Variants in AGBL4 observed in about 807,000 individuals in gnomAD.
AGBL4 encodes the protein cytosolic carboxypeptidase 6.
A neutral mutation model predicts 66.4 loss-of-function variants in AGBL4; 58 were observed. The ratio of observed to expected loss-of-function variants is 0.87; its 90% CI spans 0.71 to 1.09. The LOEUF is 1.09. Among genes scored for constraint, AGBL4 ranks in the 50% least tolerant of loss-of-function variants. AGBL4 has a pLI of 0.00. For synonymous variants in AGBL4, 234 were observed against 222.9 expected (o/e 1.05, Z -0.44); for missense variants, 579 against 631.0 (o/e 0.92, Z 0.88).
intron 7 of AGBL4, among the ~76,000 whole-genome samples, chr1:48,661,561 C>T (rs1475364461): frequency 6.6e-6 from 1 of 152,198 alleles, no homozygotes; most frequent in Admixed American, 6.5e-5. Flanking sequence ...TTATTGAAAA[C>T]CTACAGAACG....
At chr1:49,823,781 T>TGTGTGTGTGC (rs1309377273) in intron 2 of AGBL4, among the ~76,000 whole-genome samples, 2 of 148,250 alleles carry the variant, frequency 1.3e-5, no homozygotes, top group Non-Finnish European at 3.1e-5. Flanking sequence ...CTGCATAATG[T>TGTGTGTGTGC]GTGTGTGTGT....
At chr1:49,723,456 T>A (rs1648763116) in intron 2 of AGBL4, among the ~76,000 whole-genome samples, 1 of 152,132 alleles carries the variant, frequency 6.6e-6, no homozygotes, top group African/African-American at 2.4e-5. Context: ...CTCTACAATT[T>A]GACCTCTAGA....
At chr1:48,696,335 C>T (rs920625444) in intron 6 of AGBL4, among the ~76,000 whole-genome samples, 1 of 152,168 alleles carries the variant, frequency 6.6e-6, no homozygotes, top group Non-Finnish European at 1.5e-5. Flanking sequence ...GAAGGATCCA[C>T]ATCATCGAGC....
chr1:49,244,259 T>C (rs1651457318), intron 4 of AGBL4, among the ~76,000 whole-genome samples: 1 of 151,840 alleles, frequency 6.6e-6, no homozygotes, highest in African/African-American at 2.4e-5. Flanking sequence ...AGTGATGTCC[T>C]GTTACTTGCA....
intron 4 of AGBL4, among the ~76,000 whole-genome samples, chr1:49,179,905 T>C (rs541044745): frequency 6.6e-6 from 1 of 151,834 alleles, no homozygotes; most frequent in Non-Finnish European, 1.5e-5. Flanking sequence ...TTTTTTATTT[T>C]TTTTTTATTT....
intron 10 of AGBL4, among the ~76,000 whole-genome samples, chr1:48,589,642 T>C (rs1360553819): frequency 6.6e-6 from 1 of 152,180 alleles, no homozygotes; most frequent in East Asian, 1.9e-4. Context: ...GTGAGATTGG[T>C]AGTAACAGCA....
Position 48,608,658 on chromosome 1 carries a change from C to T in AGBL4, c.952-17673G>A, listed in dbSNP as rs186477. ...TAAGCAGTAAGTTAGAAACACATAA[C>T]AGAGTTAGAAACACATAACAGAGGC... On this transcript the variant is annotated intron_variant, in intron 9 of 13. Transcript: ENST00000371839. Among the ~76,000 whole-genome samples the T allele has an allele frequency of 9.1e-3, 1,383 of 152,142 alleles. 15 individuals carry two copies. The highest frequency in any genetic ancestry group is 0.031 in the African/African-American group (1,302 of 41,526).
chr1:49,948,492 TA>T (rs1180786122), intron 1 of AGBL4, among the ~76,000 whole-genome samples: 2 of 122,976 alleles, frequency 1.6e-5, no homozygotes, highest in South Asian at 2.4e-4. Context: ...TATAAATATA[TA>T]AAAATATATA....
intron 6 of AGBL4, among the ~76,000 whole-genome samples, chr1:48,840,292 G>T (rs1278366009): frequency 6.6e-6 from 1 of 152,042 alleles, no homozygotes; most frequent in African/African-American, 2.4e-5. Context: ...ACCTCTGTGT[G>T]CCCGGTGCCT....
At chr1:48,559,533 A>G (rs1436926636) in intron 11 of AGBL4, among the ~76,000 whole-genome samples, 1 of 152,240 alleles carries the variant, frequency 6.6e-6, no homozygotes, top group Non-Finnish European at 1.5e-5. Flanking sequence ...TTTCTAAAAC[A>G]AGGATACACA....
At chr1:49,807,114 AG>A (rs1307106748) in intron 2 of AGBL4, among the ~76,000 whole-genome samples, 3 of 152,110 alleles carry the variant, frequency 2.0e-5, no homozygotes, top group African/African-American at 7.2e-5. Context: ...GCAATTGCAG[AG>A]AGTCTCCACT....
At chr1:49,051,222 T>A (rs1480307035) in intron 4 of AGBL4, among the ~76,000 whole-genome samples, 1 of 152,104 alleles carries the variant, frequency 6.6e-6, no homozygotes, top group Admixed American at 6.6e-5. Flanking sequence ...GTTGTAAGTC[T>A]TAAAAAAGGT....
At chr1:49,083,563 A>G (rs958051049) in intron 4 of AGBL4, among the ~76,000 whole-genome samples, 30 of 152,130 alleles carry the variant, frequency 2.0e-4, no homozygotes, top group African/African-American at 6.8e-4. Flanking sequence ...CCCAGATAAG[A>G]GCGGGGGGCC....
intron 3 of AGBL4, among the ~76,000 whole-genome samples, chr1:49,653,152 G>A (rs1163941461): frequency 2.0e-5 from 3 of 152,120 alleles, no homozygotes; most frequent in African/African-American, 7.2e-5. Context: ...CTCCACTGGT[G>A]ATAACTCCAG....
At chr1:49,117,665 C>T (rs1269549997) in intron 4 of AGBL4, among the ~76,000 whole-genome samples, 3 of 152,156 alleles carry the variant, frequency 2.0e-5, no homozygotes, top group Non-Finnish European at 4.4e-5. Flanking sequence ...ATGCCTCCAG[C>T]TTTGTTCTTT....
rs1402249586 is a variant in AGBL4 at position 49,530,271 on chromosome 1, AAC to A, written c.282+167040_282+167041del. On this transcript the variant is annotated intron_variant, in intron 3 of 13. Transcript: ENST00000371839. Reference sequence around the variant, plus strand: ...CAAGTAGAATTTGTAAAAAAAAAAAAACAAAAAAAAACTCTATGAGTTTTTTT... The same window carrying A: ...CAAGTAGAATTTGTAAAAAAAAAAAAAAAAAAAAACTCTATGAGTTTTTTT... Among the ~76,000 whole-genome samples, 129 of 143,232 alleles carry A rather than the reference AAC, an allele frequency of 9.0e-4. 22 individuals carry two copies. Among genetic ancestry groups the A allele is most frequent in the Middle Eastern group, 3.5e-3 (1 of 284 alleles). 94.0% of individuals were successfully genotyped at this position (143,232 alleles called of 152,430 possible).
At chr1:49,063,710 G>A (rs1262441434) in intron 4 of AGBL4, among the ~76,000 whole-genome samples, 2 of 152,216 alleles carry the variant, frequency 1.3e-5, no homozygotes, top group Admixed American at 6.5e-5. Context: ...GGGATGGTAG[G>A]TTTGTTACAC....
intron 3 of AGBL4, among the ~76,000 whole-genome samples, chr1:49,669,208 A>T (rs922441994): frequency 1.1e-4 from 16 of 152,168 alleles, no homozygotes; most frequent in Non-Finnish European, 2.9e-5. Context: ...CAACTGAAAA[A>T]TGAAATAGCC....
At chr1:49,799,271 T>C (rs138004823) in intron 2 of AGBL4, among the ~76,000 whole-genome samples, 1 of 152,246 alleles carries the variant, frequency 6.6e-6, no homozygotes, top group African/African-American at 2.4e-5. Context: ...TAACTTTATA[T>C]GTCAAGGTTG....
Sources: gnomAD v4.1 joint callset for allele counts (sites outside exome capture counted in the v4.1 genomes callset) on GRCh38, gnomAD v4.1.1 for gene constraint, MANE v1.5 for transcripts, NCBI Gene and HGNC (gene_info 2026-07-23, HGNC 2026-07-21) for gene names.